The following PDCD6 variants were observed in gnomAD, a reference collection of about 807,000 sequenced individuals.
The protein encoded by PDCD6 is programmed cell death protein 6.
A neutral mutation model predicts 28.3 loss-of-function variants in PDCD6; 12 were observed. The ratio of observed to expected loss-of-function variants is 0.42; its 90% CI spans 0.27 to 0.69. PDCD6 has a LOEUF of 0.69. Among genes scored for constraint, PDCD6 ranks in the 30% least tolerant of loss-of-function variants. The pLI, the probability that PDCD6 is intolerant of heterozygous loss-of-function variation, is 0.22. For missense variants in PDCD6, 226 were observed against 269.9 expected, an observed-to-expected ratio of 0.84 and a Z score of 1.14; for synonymous variants, 92 against 108.0, an observed-to-expected ratio of 0.85 and a Z score of 0.92.
chr5:291,118 G>T (rs1262803371), intron 2 of PDCD6, among the ~76,000 whole-genome samples: 1 of 152,072 alleles, frequency 6.6e-6, no homozygotes, highest in Non-Finnish European at 1.5e-5. Context: ...CCTGCAGAGG[G>T]AATCAGTTCC....
At chr5:288,684 A>C in intron 2 of PDCD6, 2 of 409,414 alleles carry the variant, frequency 4.9e-6, no homozygotes. Context: ...TACGTGTACA[A>C]CTCTTCCAGG....
At chr5:284,560 C>A (rs1177714257) in intron 2 of PDCD6, among the ~76,000 whole-genome samples, 2 of 151,984 alleles carry the variant, frequency 1.3e-5, no homozygotes, top group African/African-American at 4.8e-5. Context: ...CAGTTTGAGA[C>A]CCAGCGGGAA....
rs563104549 is a variant in PDCD6 at position 279,263 on chromosome 5, T to C, written c.163+6491T>C. On this transcript the variant is annotated intron_variant, in intron 2 of 5. Coordinates refer to ENST00000264933, the MANE Select transcript of PDCD6 (RefSeq NM_013232.4). ...GCCGGAGGGAGGGTGGATGGACTTA[T>C]AGGTGTTGCTTGTGGCTGGGTGACT... 9.9e-5 allele frequency among the ~76,000 whole-genome samples: 15 copies of C among 152,138 alleles called. No homozygotes were observed. The South Asian group carries it at 1.7e-3, about 17-fold the overall frequency.
intron 5 of PDCD6, among the ~76,000 whole-genome samples, chr5:313,100 C>T (rs1475452537): frequency 6.6e-6 from 1 of 152,222 alleles, no homozygotes; most frequent in Non-Finnish European, 1.5e-5. Flanking sequence ...CTCCAGACCA[C>T]GTGGGGAGGG....
chr5:288,050 G>A (rs1739085372), intron 2 of PDCD6, among the ~76,000 whole-genome samples: 1 of 152,062 alleles, frequency 6.6e-6, no homozygotes. Flanking sequence ...CACCTCAGAA[G>A]TATACAAAAG....
rs185902181 is a variant in PDCD6, at chr5:306,508, C to T, written c.209-94C>T. ...CTGGTTAGTGGTCAGCAGTGGGGCCCCGCCAGGCTCTGAGGGCTGAGGTCT... is the reference window on the plus strand; with the variant it reads ...CTGGTTAGTGGTCAGCAGTGGGGCCTCGCCAGGCTCTGAGGGCTGAGGTCT... On this transcript the variant is annotated intron_variant, in intron 3 of 5. Transcript: ENST00000264933. 33 of 1,394,288 alleles carry T rather than the reference C, an allele frequency of 2.4e-5. No individual in the cohort carries two copies. The East Asian group carries it at 7.2e-4, about 31-fold the overall frequency. The allele number at this position is 1,394,288 out of a possible 1,614,324, so 86.4% of individuals were successfully genotyped here.
chr5:282,193 G>T (rs1367171529), intron 2 of PDCD6, among the ~76,000 whole-genome samples: 1 of 148,522 alleles, frequency 6.7e-6, no homozygotes, highest in Non-Finnish European at 1.5e-5. Flanking sequence ...AGCAGCTGAG[G>T]TTCTAACTTG....
At chr5:289,406 A>G (rs2126717560) in intron 2 of PDCD6, 4 of 661,580 alleles carry the variant, frequency 6.0e-6, no homozygotes, top group South Asian at 5.6e-5. Context: ...TGGTCTCTCA[A>G]TACCTTCTTC....
At chr5:290,936 C>T (rs747797461) in intron 2 of PDCD6, among the ~76,000 whole-genome samples, 37 of 152,030 alleles carry the variant, frequency 2.4e-4, no homozygotes, top group South Asian at 4.2e-4. Flanking sequence ...TTATAACTGC[C>T]TTCTAAGTAT....
At chr5:301,150 T>C (rs1215655857) in intron 2 of PDCD6, among the ~76,000 whole-genome samples, 1 of 152,276 alleles carries the variant, frequency 6.6e-6, no homozygotes, top group South Asian at 2.1e-4. Context: ...CTCATCCAGC[T>C]CCACACAGTC....
At chr5:273,931 C>T (rs1738012058) in intron 2 of PDCD6, among the ~76,000 whole-genome samples, 1 of 94,554 alleles carries the variant, frequency 1.1e-5, no homozygotes, top group African/African-American at 4.8e-5. Flanking sequence ...ATTCTTAAAT[C>T]CTCGTTTTTT....
chr5:276,938 C>T (rs1316483738), intron 2 of PDCD6: 50 of 985,058 alleles, frequency 5.1e-5, no homozygotes, highest in Non-Finnish European at 5.9e-5. Context: ...ATGTTCCAAA[C>T]TATCTTGAGT....
chr5:272,543 C>T (rs1737897928), intron 1 of PDCD6, among the ~76,000 whole-genome samples, 168 bp from the exon 2 acceptor site: 1 of 144,054 alleles, frequency 6.9e-6, no homozygotes, highest in Non-Finnish European at 1.5e-5. Flanking sequence ...CACTGGACGT[C>T]GGCTCCTGGG....
At chr5:304,148 C>T in intron 2 of PDCD6, 29 bp from the exon 3 acceptor site, 1 of 1,206,458 alleles carries the variant, frequency 8.3e-7, no homozygotes, top group East Asian at 2.3e-5. Flanking sequence ...TTTCCTTTTA[C>T]TTTAACTCCT....
intron 2 of PDCD6, among the ~76,000 whole-genome samples, chr5:298,389 C>T (rs1245402624): frequency 6.6e-6 from 1 of 151,922 alleles, no homozygotes; most frequent in Non-Finnish European, 1.5e-5. Context: ...GGGTTCTCTC[C>T]CCAGCACATT....
Position 311,314 on chromosome 5 carries a change from TC to T in PDCD6, c.391del (p.His131ThrfsTer31). ...GAAGGCTACCGGCTCTCTGACCAGT[TC>T]CACGACATCCTCATTCGAAAGTTTG... Reference protein sequence around the residue: ...SGFGYRLSDQFHDILIRKFDR... With the variant: ...SGFGYRLSDQXHDILIRKFDR... On this transcript the variant is annotated frameshift_variant, in exon 5 of 6. Transcript: ENST00000264933. 1.2e-6 allele frequency: 2 copies of T among 1,614,110 alleles called. No homozygotes were observed. The highest frequency in any genetic ancestry group is 1.7e-6 in the Non-Finnish European group (2 of 1,179,986).
chr5:271,739 C>A lies in PDCD6; in HGVS notation c.19C>A (p.Arg7Ser), dbSNP rs758102211. 6.5e-7 allele frequency: 1 copy of A among 1,531,058 alleles called. No individual in the cohort carries two copies. Among genetic ancestry groups the A allele is most frequent in the Admixed American group, 2.0e-5 (1 of 50,842 alleles). 94.8% of individuals were successfully genotyped at this position (1,531,058 alleles called of 1,614,324 possible). MAAYSY[R>S]PGPGAGPGPA... ...TTGGCCCATGGCCGCCTACTCTTAC[C>A]GCCCCGGCCCTGGGGCCGGCCCTGG... is the stretch of plus-strand genomic sequence containing the variant. Residue 7 changes from arginine to serine, a missense_variant, in exon 1 of 6, where the codon CGC (arginine) becomes AGC (serine). Arg to Ser is a moderately radical substitution (Grantham distance 110, BLOSUM62 -1). Transcript: ENST00000264933.
chr5:279,783 CAA>C (rs35224887), intron 2 of PDCD6, among the ~76,000 whole-genome samples: 27,293 of 74,936 alleles, frequency 0.36, 3,800 homozygotes, highest in South Asian at 0.45. Context: ...AAAGTAATGG[CAA>C]AAAAAAAAAA....
intron 2 of PDCD6, among the ~76,000 whole-genome samples, chr5:284,145 A>G (rs1579494424): frequency 6.7e-6 from 1 of 149,020 alleles, no homozygotes; most frequent in Admixed American, 6.7e-5. Context: ...TAATTTGAGT[A>G]TCTTGCAGCT....
Sources: gnomAD v4.1 joint callset for allele counts (sites outside exome capture counted in the v4.1 genomes callset) on GRCh38, gnomAD v4.1.1 for gene constraint, MANE v1.5 for transcripts, NCBI Gene and HGNC (gene_info 2026-07-23, HGNC 2026-07-21) for gene names.